Variants in MTRFR observed in about 807,000 individuals in gnomAD.
The protein encoded by MTRFR is probable peptide chain release factor C12orf65, mitochondrial.
MTRFR carries 10 observed loss-of-function variants against 11.9 expected under a neutral mutation model. That is an observed-to-expected ratio of 0.84 (90% CI 0.52 to 1.42). The LOEUF (loss-of-function observed/expected upper bound fraction) is 1.42, where lower values mean the gene tolerates loss of function less well. MTRFR is among the 40% of genes most tolerant of loss of function. The pLI, the probability that MTRFR is intolerant of heterozygous loss-of-function variation, is 0.00. For missense variants in MTRFR, 196 were observed against 197.9 expected, an observed-to-expected ratio of 0.99 and a Z score of 0.06; for synonymous variants, 77 against 79.1, an observed-to-expected ratio of 0.97 and a Z score of 0.14.
chr12:123,236,951 G>A (rs749854880), intron 1 of MTRFR, among the ~76,000 whole-genome samples: 27 of 152,074 alleles, frequency 1.8e-4, no homozygotes, highest in Non-Finnish European at 3.1e-4. Flanking sequence ...CAAGCGTGGC[G>A]GCATGCGCCT....
intron 1 of MTRFR, chr12:123,240,770 G>C (rs766582008): frequency 9.2e-6 from 1 of 109,244 alleles, no homozygotes; most frequent in Non-Finnish European, 1.7e-5. Context: ...GTCTCACTCT[G>C]TACCCCAGGC....
intron 2 of MTRFR, 198 bp downstream of exon 2, chr12:123,254,154 C>T (rs61953389): frequency 1.3e-4 from 83 of 615,466 alleles, no homozygotes; most frequent in Non-Finnish European, 2.0e-4. Context: ...GCAGAACCTC[C>T]TACAACAGCC....
chr12:123,233,557 A>G (rs2047766918), intron 1 of MTRFR, 26 bp downstream of exon 1: 1 of 152,208 alleles, frequency 6.6e-6, no homozygotes, highest in Non-Finnish European at 1.5e-5. Context: ...GAAGCCAGGT[A>G]ACCCTACGGC....
chr12:123,256,016 T>C (rs2048178848), intron 2 of MTRFR, among the ~76,000 whole-genome samples: 1 of 152,156 alleles, frequency 6.6e-6, no homozygotes, highest in African/African-American at 2.4e-5. Context: ...ATCCTCCCGT[T>C]TCAGCCCCCA....
intron 2 of MTRFR, chr12:123,254,243 G>A (rs1479334840): frequency 4.6e-6 from 2 of 430,856 alleles, no homozygotes; most frequent in Non-Finnish European, 8.5e-6. Flanking sequence ...ACTGGTGCTT[G>A]GCTGCTGCCC....
At chr12:123,253,472 G>T (rs1007766374) in intron 1 of MTRFR, 175 bp from the exon 2 acceptor site, 7 of 639,790 alleles carry the variant, frequency 1.1e-5, no homozygotes, top group Admixed American at 9.6e-5. Context: ...GACAGTGCAA[G>T]GCTGAGGAGA....
intron 1 of MTRFR, chr12:123,248,359 A>ATAGGT (rs1200769711): frequency 2.0e-5 from 3 of 152,462 alleles, no homozygotes; most frequent in African/African-American, 7.2e-5. Context: ...GTTTTCCTTT[A>ATAGGT]TAGGTTACCT....
At chr12:123,243,591 G>C (rs1799002681) in intron 1 of MTRFR, among the ~76,000 whole-genome samples, 1 of 151,672 alleles carries the variant, frequency 6.6e-6, no homozygotes, top group Non-Finnish European at 1.5e-5. Context: ...TGTAGTCCCA[G>C]CTACTCGGGA....
chr12:123,239,459 A>G (rs1295601931), intron 1 of MTRFR, among the ~76,000 whole-genome samples: 4 of 151,784 alleles, frequency 2.6e-5, no homozygotes, highest in African/African-American at 7.3e-5. Context: ...CTAGAGTGCA[A>G]TGGCGCAATC....
chr12:123,254,916 C>A (rs1226620072), intron 2 of MTRFR: 2 of 150,160 alleles, frequency 1.3e-5, no homozygotes, highest in East Asian at 3.9e-4. Context: ...GCCTGGGCAA[C>A]AGACAAGATT....
rs143410718 is a variant in MTRFR, at chr12:123,253,706, C to T, written c.32C>T (p.Thr11Ile). The T allele has an allele frequency of 1.7e-5, 28 of 1,614,090 alleles. No individual in the cohort carries two copies. In the African/African-American group the frequency reaches 3.2e-4, roughly 18 times the overall value. Residue 11 changes from threonine (T) to isoleucine (I), a missense_variant, in exon 2 of 3, where the codon ACA becomes ATA. By Grantham distance (89) the Thr-to-Ile change is moderately conservative. Transcript: ENST00000253233. ...ACCGTGGGTTTATTTCATTTTCCTACACCACTGACCCGAATATGCCCGGCG... is the reference window on the plus strand; with the variant it reads ...ACCGTGGGTTTATTTCATTTTCCTATACCACTGACCCGAATATGCCCGGCG... MSTVGLFHFP[T>I]PLTRICPAPW...
At chr12:123,256,690 C>A (rs1440608129) in intron 2 of MTRFR, 123 bp from the exon 3 acceptor site, 16 of 821,748 alleles carry the variant, frequency 1.9e-5, no homozygotes, top group Non-Finnish European at 3.2e-5. Flanking sequence ...GAACGAAACT[C>A]TGTCTCAATA....
At chr12:123,240,305 C>T (rs892248463) in intron 1 of MTRFR, among the ~76,000 whole-genome samples, 6 of 150,730 alleles carry the variant, frequency 4.0e-5, no homozygotes, top group Admixed American at 3.3e-4. Flanking sequence ...ACCCGGGAGG[C>T]GGAGGTTGCA....
intron 1 of MTRFR, among the ~76,000 whole-genome samples, chr12:123,243,670 A>G (rs2047985861): frequency 6.6e-6 from 1 of 152,014 alleles, no homozygotes; most frequent in Non-Finnish European, 1.5e-5. Context: ...GCGCCACTGT[A>G]CTCCACCCTG....
At chr12:123,254,158 A>G (rs1020827364) in intron 2 of MTRFR, 9 of 606,094 alleles carry the variant, frequency 1.5e-5, no homozygotes, top group Non-Finnish European at 2.3e-5. Flanking sequence ...AACCTCCTAC[A>G]ACAGCCTGGG....
intron 1 of MTRFR, among the ~76,000 whole-genome samples, chr12:123,242,649 T>C (rs1031868713): frequency 8.5e-5 from 13 of 152,218 alleles, no homozygotes; most frequent in African/African-American, 3.1e-4. Flanking sequence ...GGAGACCTTC[T>C]TGAACTCCAG....
At chr12:123,239,666 T>C (rs2047900671) in intron 1 of MTRFR, among the ~76,000 whole-genome samples, 1 of 152,192 alleles carries the variant, frequency 6.6e-6, no homozygotes, top group Admixed American at 6.5e-5. Flanking sequence ...CCTCCCAAAG[T>C]GCTGGGATTA....
In MTRFR at chr12:123,233,754, C is replaced by T. The variant is rs1727332; in HGVS notation, c.-29+223C>T. ...GTTTACGCTAGGTGCTGTGGGTCGGCCCTGGGGCTGTTCAGGCACTCAGGG... is the reference window on the plus strand; with the variant it reads ...GTTTACGCTAGGTGCTGTGGGTCGGTCCTGGGGCTGTTCAGGCACTCAGGG... On this transcript the variant is annotated intron_variant, in intron 1 of 2. Transcript: ENST00000253233. 0.59 allele frequency: 89,941 copies of T among 152,298 alleles called. 30,897 individuals carry two copies. Among genetic ancestry groups the T allele is most frequent in the Non-Finnish European group, 0.75 (51,055 of 68,186 alleles). 9.4% of individuals were successfully genotyped at this position (152,298 alleles called of 1,614,324 possible). A position where few individuals can be genotyped will look rare whatever the true frequency, so the allele number is the denominator to read the frequency against.
At chr12:123,250,480 G>C (rs1249061475) in intron 1 of MTRFR, 1 of 152,160 alleles carries the variant, frequency 6.6e-6, no homozygotes, top group Non-Finnish European at 1.5e-5. Context: ...TTGTTCATTT[G>C]GGTAGGCTCT....
Sources: allele counts gnomAD v4.1 joint callset (sites outside exome capture counted in the v4.1 genomes callset), GRCh38; gene constraint gnomAD v4.1.1; transcripts MANE v1.5; gene names NCBI Gene and HGNC (gene_info 2026-07-23, HGNC 2026-07-21).